UBE2F: variants seen among roughly 807,000 people sequenced by gnomAD.
UBE2F encodes the protein NEDD8-conjugating enzyme UBE2F.
Under a neutral mutation model 29.6 loss-of-function variants are expected in UBE2F, and 5 were observed. That is an observed-to-expected ratio of 0.17 (90% CI 0.09 to 0.36). The LOEUF is 0.36. Ranked by LOEUF, UBE2F falls within the 10% of genes least tolerant of loss-of-function variation. The probability of loss-of-function intolerance (pLI) is 1.00; values close to 1 mark genes in which losing one functional copy is unlikely to be tolerated. For synonymous variants in UBE2F, 66 were observed against 81.8 expected (o/e 0.81, Z 1.04); for missense variants, 141 against 228.5 (o/e 0.62, Z 2.47).
At chr2:238,002,932 G>A (rs2063826798) in intron 4 of UBE2F, among the ~76,000 whole-genome samples, 1 of 152,126 alleles carries the variant, frequency 6.6e-6, no homozygotes, top group Admixed American at 6.6e-5. Context: ...ATGCCCGGCT[G>A]ACGCATGAAT....
At chr2:238,023,242 C>CA (rs1331849662) in intron 5 of UBE2F, among the ~76,000 whole-genome samples, 1 of 152,230 alleles carries the variant, frequency 6.6e-6, no homozygotes, top group Non-Finnish European at 1.5e-5. Context: ...CTTCCCTCTG[C>CA]AGCCCAAATG....
At chr2:237,976,962 G>A (rs1035242950) in intron 2 of UBE2F, among the ~76,000 whole-genome samples, 3 of 152,070 alleles carry the variant, frequency 2.0e-5, no homozygotes, top group African/African-American at 4.8e-5. Flanking sequence ...GGGCAGATGC[G>A]ACAAGCAGAA....
At chr2:238,036,608 G>T (rs2064714815) in intron 9 of UBE2F, among the ~76,000 whole-genome samples, 1 of 152,188 alleles carries the variant, frequency 6.6e-6, no homozygotes, top group African/African-American at 2.4e-5. Context: ...GCCACTGTGG[G>T]CAGATTGCTT....
In UBE2F at chr2:238,041,789, C is replaced by G. The variant is rs2064840861; in HGVS notation, c.*451C>G. The G allele has an allele frequency of 1.9e-5, 3 of 155,430 alleles. No homozygotes were observed. The Admixed American group carries it at 1.9e-4, about 10-fold the overall frequency. 9.6% of individuals were successfully genotyped at this position (155,430 alleles called of 1,614,324 possible). On this transcript the variant is annotated 3_prime_UTR_variant, in exon 10 of 10. Coordinates refer to ENST00000272930, the MANE Select transcript of UBE2F (RefSeq NM_080678.3). ...CAAACTGTGATTGGATGCAAAATCT[C>G]TTAGCTTCTTTCACGAATGTTGGCC...
At position 237,975,203 on chromosome 2, in the gene UBE2F, G is replaced by A. The variant is rs567633572; in HGVS notation, c.118+1978G>A. 5.3e-5 allele frequency among the ~76,000 whole-genome samples: 8 copies of A among 152,178 alleles called. No homozygotes were observed. The South Asian group carries it at 1.7e-3, about 32-fold the overall frequency. On this transcript the variant is annotated intron_variant, in intron 2 of 9. Coordinates refer to ENST00000272930, the MANE Select transcript of UBE2F (RefSeq NM_080678.3). ...TGCAGCTTCAGCCTTCTGGGCTCAGGCGATCCTGTCACCTCAGCCTCCTGA... is the reference window on the plus strand; with the variant it reads ...TGCAGCTTCAGCCTTCTGGGCTCAGACGATCCTGTCACCTCAGCCTCCTGA...
In UBE2F at chr2:238,010,238, A is replaced by G. The variant is rs565455906; in HGVS notation, c.215-6328A>G. ...GCCCAGGCTGGAGTGCAGTGGCACA[A>G]TCTTGGCTCACTGCAACCTCTGCCT... On this transcript the variant is annotated intron_variant, in intron 4 of 9. Transcript: ENST00000272930. 9.2e-5 allele frequency among the ~76,000 whole-genome samples: 14 copies of G among 152,166 alleles called. No individual in the cohort carries two copies. The South Asian group carries it at 2.5e-3, about 27-fold the overall frequency.
At chr2:238,031,771 AAACTT>A (rs369931867) in intron 7 of UBE2F, among the ~76,000 whole-genome samples, 77 of 152,390 alleles carry the variant, frequency 5.1e-4, no homozygotes, top group African/African-American at 1.8e-3. Context: ...ATCATTAAGA[AAACTT>A]AATAGGATGA....
intron 4 of UBE2F, among the ~76,000 whole-genome samples, chr2:238,006,759 C>CTT (rs60514924): frequency 0.017 from 2,076 of 125,504 alleles, 69 homozygotes; most frequent in African/African-American, 0.058. Flanking sequence ...TTTCTTTTTT[C>CTT]TTTTTTTTTT....
At chr2:238,005,451 C>T (rs189902798) in intron 4 of UBE2F, among the ~76,000 whole-genome samples, 1 of 152,282 alleles carries the variant, frequency 6.6e-6, no homozygotes, top group East Asian at 1.9e-4. Context: ...CAACTTTGGC[C>T]TCCCAAAGTA....
intron 4 of UBE2F, among the ~76,000 whole-genome samples, chr2:238,002,797 A>AT (rs983859555): frequency 4.7e-5 from 7 of 150,054 alleles, no homozygotes; most frequent in Non-Finnish European, 8.9e-5. Context: ...TTATTTATTT[A>AT]TTTTTTTTAT....
rs549107409 is a variant in UBE2F, at chr2:238,038,486, G to A, written c.507+2546G>A. On this transcript the variant is annotated intron_variant, in intron 9 of 9. Coordinates refer to ENST00000272930, the MANE Select transcript of UBE2F (RefSeq NM_080678.3). Reference sequence around the variant, plus strand: ...CCCACCCCTTGCAGGCATTCATGGCGGCACTCCTGTCTGCTGTCGTTGGCG... The same window carrying A: ...CCCACCCCTTGCAGGCATTCATGGCAGCACTCCTGTCTGCTGTCGTTGGCG... Among the ~76,000 whole-genome samples, 15 of 152,330 alleles carry A rather than the reference G, an allele frequency of 9.8e-5. No individual in the cohort carries two copies. The East Asian group carries it at 1.5e-3, about 16-fold the overall frequency.
intron 1 of UBE2F, among the ~76,000 whole-genome samples, chr2:237,969,783 G>A (rs2063136352): frequency 6.6e-6 from 1 of 152,170 alleles, no homozygotes; most frequent in Non-Finnish European, 1.5e-5. Context: ...GCTCTAGATG[G>A]TGCTGCTGTC....
intron 1 of UBE2F, among the ~76,000 whole-genome samples, chr2:237,972,676 G>A (rs1026037): frequency 0.81 from 121,537 of 150,882 alleles, 49,140 homozygotes; most frequent in Admixed American, 0.83. Flanking sequence ...TCAGCTTCCC[G>A]AGTAGCTGAG....
chr2:237,969,727 T>C (rs1256691047), intron 1 of UBE2F, among the ~76,000 whole-genome samples: 1 of 152,086 alleles, frequency 6.6e-6, no homozygotes, highest in African/African-American at 2.4e-5. Flanking sequence ...TTGTGAGGGA[T>C]TTTTGACAAG....
chr2:238,025,302 G>A (rs985125549), intron 5 of UBE2F, 40 bp from the exon 6 acceptor site: 1 of 1,571,994 alleles, frequency 6.4e-7, no homozygotes, highest in African/African-American at 1.3e-5. Context: ...GATTTGCAGA[G>A]ACTGTCGGCG....
rs561574251 is a variant in UBE2F at position 237,982,773 on chromosome 2, T to C, written c.119-5190T>C. On this transcript the variant is annotated intron_variant, in intron 2 of 9. Transcript: ENST00000272930. The surrounding 1 kb of genome is among the most constrained non-coding windows in gnomAD (Gnocchi z 4.1). ...TGATCATTATGAACAACTCATTTGC[T>C]CTTCACCTGTGTAGGTCACACCTGT... Among the ~76,000 whole-genome samples the C allele has an allele frequency of 6.6e-6, 1 of 152,346 alleles. No homozygotes were observed. Among genetic ancestry groups the C allele is most frequent in the East Asian group, 1.9e-4 (1 of 5,188 alleles).
chr2:238,015,897 C>T (rs1350969985), intron 4 of UBE2F, among the ~76,000 whole-genome samples: 1 of 152,056 alleles, frequency 6.6e-6, no homozygotes, highest in Non-Finnish European at 1.5e-5. Context: ...CCTGTGGGGT[C>T]TACAGGGTGT....
intron 2 of UBE2F, among the ~76,000 whole-genome samples, chr2:237,983,220 C>T (rs904576675): frequency 1.3e-5 from 2 of 152,224 alleles, no homozygotes; most frequent in South Asian, 2.1e-4. Flanking sequence ...ACAGAACTTG[C>T]TCTATTTCTG....
Position 238,031,810 on chromosome 2 carries a change from C to T in UBE2F, c.412-412C>T, listed in dbSNP as rs562534606. 4.6e-5 allele frequency among the ~76,000 whole-genome samples: 7 copies of T among 152,294 alleles called. No individual in the cohort carries two copies. The East Asian group carries it at 1.4e-3, about 29-fold the overall frequency. On this transcript the variant is annotated intron_variant, in intron 7 of 9. Coordinates refer to ENST00000272930, the MANE Select transcript of UBE2F (RefSeq NM_080678.3). ...GAGGGGTAATTAACTTATCTACGAC[C>T]GCAAGAGGCAGTAGATGTAAAAACA...
Sources: gnomAD v4.1 joint callset for allele counts (sites outside exome capture counted in the v4.1 genomes callset) on GRCh38, gnomAD v4.1.1 for gene constraint, Gnocchi (gnomAD v3.1) non-coding constraint, MANE v1.5 for transcripts, NCBI Gene and HGNC (gene_info 2026-07-23, HGNC 2026-07-21) for gene names.